Variants in NTNG1 observed in about 807,000 individuals in gnomAD.
NTNG1 encodes netrin G1.
Under a neutral mutation model 54.0 loss-of-function variants are expected in NTNG1, and 16 were observed. That is an observed-to-expected ratio of 0.30 (90% CI 0.20 to 0.45). The LOEUF (loss-of-function observed/expected upper bound fraction) is 0.45, where lower values mean the gene tolerates loss of function less well. Ranked by LOEUF, NTNG1 falls within the 20% of genes least tolerant of loss-of-function variation. The pLI is 1.00. For missense variants in NTNG1, 530 were observed against 678.7 expected (o/e 0.78, Z 2.43); for synonymous variants, 255 against 263.1 (o/e 0.97, Z 0.30).
chr1:107,309,807 C>G (rs1209485904), intron 2 of NTNG1, among the ~76,000 whole-genome samples: 1 of 152,156 alleles, frequency 6.6e-6, no homozygotes, highest in Non-Finnish European at 1.5e-5. Flanking sequence ...TTCTACCCAG[C>G]TTTTAATGCT....
chr1:107,349,756 T>C (rs1190720568), intron 3 of NTNG1, among the ~76,000 whole-genome samples: 1 of 152,162 alleles, frequency 6.6e-6, no homozygotes, highest in Admixed American at 6.5e-5. Context: ...TAGCCTAATA[T>C]TATGCTTCTG....
intron 7 of NTNG1, among the ~76,000 whole-genome samples, chr1:107,460,811 ACTG>A (rs1396170551): frequency 1.3e-5 from 2 of 152,142 alleles, no homozygotes; most frequent in Non-Finnish European, 2.9e-5. Flanking sequence ...ATAAAACAAC[ACTG>A]CTGTGACACA....
intron 2 of NTNG1, among the ~76,000 whole-genome samples, chr1:107,320,563 G>A (rs922811676): frequency 7.3e-5 from 11 of 151,512 alleles, no homozygotes; most frequent in Admixed American, 1.3e-4. Flanking sequence ...TACAGATCAC[G>A]CCCTGTGAAA....
intron 1 of NTNG1, among the ~76,000 whole-genome samples, chr1:107,144,929 G>A (rs1469721356): frequency 2.0e-5 from 3 of 152,020 alleles, no homozygotes; most frequent in African/African-American, 7.2e-5. Context: ...AAAGTGAAGA[G>A]GTAGAACTGG....
intron 3 of NTNG1, among the ~76,000 whole-genome samples, chr1:107,337,654 C>T (rs1668664733): frequency 6.6e-6 from 1 of 151,952 alleles, no homozygotes. Context: ...AATAACTGCA[C>T]AAACAATACT....
At chr1:107,477,433 C>T (rs1240302207) in intron 7 of NTNG1, among the ~76,000 whole-genome samples, 1 of 152,194 alleles carries the variant, frequency 6.6e-6, no homozygotes, top group East Asian at 1.9e-4. Flanking sequence ...CCTCTAGTGC[C>T]CCCTGTTGGT....
chr1:107,276,128 A>G (rs142646470), intron 2 of NTNG1, among the ~76,000 whole-genome samples: 10 of 152,302 alleles, frequency 6.6e-5, no homozygotes, highest in African/African-American at 2.4e-4. Flanking sequence ...TATGTACATC[A>G]CAGGTAGGGA....
chr1:107,283,093 C>A (rs1243680417), intron 2 of NTNG1, among the ~76,000 whole-genome samples: 1 of 152,100 alleles, frequency 6.6e-6, no homozygotes, highest in African/African-American at 2.4e-5. Context: ...TAGGTTTCAA[C>A]ATATAAACTT....
intron 2 of NTNG1, among the ~76,000 whole-genome samples, chr1:107,216,045 G>A (rs1357248571): frequency 6.6e-6 from 1 of 152,212 alleles, no homozygotes; most frequent in East Asian, 1.9e-4. Flanking sequence ...GAAGCCTTTT[G>A]GATGAGTCTT....
At chr1:107,142,723 G>GT (rs1653822098) in intron 1 of NTNG1, among the ~76,000 whole-genome samples, 1 of 147,238 alleles carries the variant, frequency 6.8e-6, no homozygotes, top group African/African-American at 2.5e-5. Flanking sequence ...CACTTATTCA[G>GT]ATATGCTTAG....
chr1:107,280,623 A>T (rs895220852), intron 2 of NTNG1, among the ~76,000 whole-genome samples: 2 of 138,592 alleles, frequency 1.4e-5, no homozygotes, highest in African/African-American at 2.7e-5. Flanking sequence ...TTTTTTGGCC[A>T]CTATATAAAC....
At chr1:107,309,314 A>G (rs754202523) in intron 2 of NTNG1, among the ~76,000 whole-genome samples, 2 of 152,160 alleles carry the variant, frequency 1.3e-5, no homozygotes, top group Non-Finnish European at 2.9e-5. Context: ...ATTAGGCAAT[A>G]TCTCTGTAAA....
chr1:107,178,139 T>C (rs939725298), intron 2 of NTNG1, among the ~76,000 whole-genome samples: 2 of 152,222 alleles, frequency 1.3e-5, no homozygotes, highest in African/African-American at 4.8e-5. Flanking sequence ...AAGTTGAAAG[T>C]CATTAAACCA....
In NTNG1 at chr1:107,245,765, A is replaced by G. The variant is rs147187289; in HGVS notation, c.247-78517A>G. On this transcript the variant is annotated intron_variant, in intron 2 of 7. Transcript: ENST00000370068. Reference sequence around the variant, plus strand: ...AGGTTTGAATGGCTTGCTGCGTATTATCACCCATGCGCTTTTTAATTAGGT... The same window carrying G: ...AGGTTTGAATGGCTTGCTGCGTATTGTCACCCATGCGCTTTTTAATTAGGT... Among the ~76,000 whole-genome samples the G allele has an allele frequency of 3.5e-4, 53 of 152,304 alleles. No homozygotes were observed. The East Asian group carries it at 9.7e-3, about 28-fold the overall frequency.
intron 3 of NTNG1, among the ~76,000 whole-genome samples, chr1:107,340,931 A>G (rs1477938888): frequency 6.6e-6 from 1 of 152,044 alleles, no homozygotes; most frequent in East Asian, 1.9e-4. Context: ...ATGCAAGTAC[A>G]TATTAAACTA....
At chr1:107,415,163 A>G (rs575776074) in intron 5 of NTNG1, among the ~76,000 whole-genome samples, 168 of 152,282 alleles carry the variant, frequency 1.1e-3, no homozygotes, top group African/African-American at 3.9e-3. Flanking sequence ...ATCCTTAAGA[A>G]GAAGTGATTT....
rs572033371 is a variant in NTNG1, at chr1:107,313,604, C to T, written c.247-10678C>T. Among the ~76,000 whole-genome samples, 97 of 152,028 alleles carry T rather than the reference C, an allele frequency of 6.4e-4. 1 individual carries two copies. Among genetic ancestry groups the T allele is most frequent in the Admixed American group, 1.4e-3 (21 of 15,270 alleles). On this transcript the variant is annotated intron_variant, in intron 2 of 7. Transcript: ENST00000370068. ...AAGAGGCCAAAGGGTGAGAAGACCA[C>T]GGGTGCACATTGATTTTAAGAATCT...
At chr1:107,204,605 ATTGATACCAGGTGAAGCAGAAGAATCACT>A (rs1482473902) in intron 2 of NTNG1, among the ~76,000 whole-genome samples, 2 of 152,142 alleles carry the variant, frequency 1.3e-5, no homozygotes, top group African/African-American at 4.8e-5. Flanking sequence ...AAGGATAATA[ATTGATACCAGGTGAAGCAGAAGAATCACT>A]CAGCTGAAAC....
chr1:107,333,298 C>T (rs540396240), intron 3 of NTNG1, among the ~76,000 whole-genome samples: 1 of 152,010 alleles, frequency 6.6e-6, no homozygotes, highest in Non-Finnish European at 1.5e-5. Flanking sequence ...GTCACAGTTA[C>T]CATAATCAGA....
Sources: gnomAD v4.1 joint callset for allele counts (sites outside exome capture counted in the v4.1 genomes callset) on GRCh38, gnomAD v4.1.1 for gene constraint, MANE v1.5 for transcripts, NCBI Gene and HGNC (gene_info 2026-07-23, HGNC 2026-07-21) for gene names.